The following XPO4 variants were observed in gnomAD, a reference collection of about 807,000 sequenced individuals.
The protein encoded by XPO4 is exportin 4.
Under a neutral mutation model 143.0 loss-of-function variants are expected in XPO4, and 39 were observed. The ratio of observed to expected loss-of-function variants is 0.27; its 90% CI spans 0.21 to 0.36. The LOEUF (loss-of-function observed/expected upper bound fraction) is 0.36. Among genes scored for constraint, XPO4 ranks in the 10% least tolerant of loss-of-function variants. The pLI is 1.00. For synonymous variants in XPO4, 439 were observed against 474.0 expected (o/e 0.93, Z 0.96); for missense variants, 907 against 1,348.0 (o/e 0.67, Z 5.12).
rs372882595 is a variant in XPO4 at position 20,786,983 on chromosome 13, C to T, written c.3240G>A (p.Thr1080=). 3.9e-4 allele frequency: 615 copies of T among 1,558,372 alleles called. 7 individuals are homozygous for T. The highest frequency in any genetic ancestry group is 1.7e-4 in the Middle Eastern group (1 of 6,012). The change falls in exon 22 of 23, where the codon ACG becomes ACA. Residue 1080 remains threonine (T), a synonymous_variant. Transcript: ENST00000255305. ...MTTAAGEAFY[T]LVCLHQAEYS... ...CCAGTACCTGGTGCAAACACACCAA[C>T]GTGTAGAAAGCTTCGCCAGCCGCAG...
At chr13:20,864,635 C>T (rs1431499938) in intron 2 of XPO4, among the ~76,000 whole-genome samples, 1 of 152,158 alleles carries the variant, frequency 6.6e-6, no homozygotes, top group Admixed American at 6.5e-5. Flanking sequence ...CGAATAAGCA[C>T]TTTCATTGTT....
chr13:20,825,139 A>C (rs2137976933), intron 7 of XPO4, among the ~76,000 whole-genome samples: 1 of 152,338 alleles, frequency 6.6e-6, no homozygotes, highest in East Asian at 1.9e-4. Context: ...GGTAGGAAGA[A>C]AACACAATGA....
intron 9 of XPO4, among the ~76,000 whole-genome samples, chr13:20,812,307 G>A (rs1295939130): frequency 6.6e-6 from 1 of 152,080 alleles, no homozygotes; most frequent in Non-Finnish European, 1.5e-5. Flanking sequence ...GGAGGCAGAG[G>A]GGAGACCCAC....
chr13:20,780,868 A>G lies in XPO4; in HGVS notation c.*2854T>C, dbSNP rs2059134030. On this transcript the variant is annotated 3_prime_UTR_variant, in exon 23 of 23. Transcript: ENST00000255305. Reference sequence around the variant, plus strand: ...CATCCAGCACAAGGACTATAAAAGCAAATCAATCCTTTTAACAGAACAAGA... The same window carrying G: ...CATCCAGCACAAGGACTATAAAAGCGAATCAATCCTTTTAACAGAACAAGA... The G allele has an allele frequency of 1.3e-5, 2 of 152,208 alleles. No homozygotes were observed. The highest frequency in any genetic ancestry group is 4.1e-4 in the South Asian group (2 of 4,832). The allele number at this position is 152,208 out of a possible 1,614,324, so 9.4% of individuals were successfully genotyped here.
At chr13:20,900,811 C>A (rs1206852521) in intron 1 of XPO4, among the ~76,000 whole-genome samples, 1 of 151,614 alleles carries the variant, frequency 6.6e-6, no homozygotes, top group East Asian at 1.9e-4. Flanking sequence ...GGGGCTTCAC[C>A]GTGTTGGCCA....
intron 3 of XPO4, 67 bp from the exon 4 acceptor site, chr13:20,855,832 T>C (rs547359677): frequency 6.9e-7 from 1 of 1,447,358 alleles, no homozygotes; most frequent in African/African-American, 1.4e-5. Context: ...CCCAAACTTC[T>C]CTCTATGCCT....
At chr13:20,794,135 A>G (rs572156162) in intron 18 of XPO4, among the ~76,000 whole-genome samples, 19 of 152,256 alleles carry the variant, frequency 1.2e-4, no homozygotes, top group Non-Finnish European at 2.8e-4. Context: ...TTCTCTTATT[A>G]ACGCTGCCCA....
At chr13:20,799,036 A>G (rs1460932301) in intron 16 of XPO4, 129 bp downstream of exon 16, 7 of 906,786 alleles carry the variant, frequency 7.7e-6, no homozygotes, top group Non-Finnish European at 9.4e-6. Context: ...AAAAAAAAAA[A>G]GAAAGAAAGA....
intron 6 of XPO4, among the ~76,000 whole-genome samples, chr13:20,834,717 T>C (rs1570673): frequency 8.6e-4 from 131 of 151,944 alleles, no homozygotes; most frequent in African/African-American, 2.9e-3. Flanking sequence ...CCAGCACTTT[T>C]GGATGCCAAA....
In XPO4 at chr13:20,892,217, G is replaced by C. The variant is rs140147124; in HGVS notation, c.69+10453C>G. Among the ~76,000 whole-genome samples, 358 of 152,130 alleles carry C rather than the reference G, an allele frequency of 2.4e-3. 1 individual carries two copies. Among genetic ancestry groups the C allele is most frequent in the African/African-American group, 7.7e-3 (319 of 41,518 alleles). Reference sequence around the variant, plus strand: ...TTCTCCTGTCTCAGCCTCCTGAGTAGCTGGGATTACACACATGCACCACCA... The same window carrying C: ...TTCTCCTGTCTCAGCCTCCTGAGTACCTGGGATTACACACATGCACCACCA... On this transcript the variant is annotated intron_variant, in intron 1 of 22. Coordinates refer to ENST00000255305, the MANE Select transcript of XPO4 (RefSeq NM_022459.5).
At chr13:20,888,175 CAAAAAAA>C (rs60114182) in intron 1 of XPO4, among the ~76,000 whole-genome samples, 4 of 90,574 alleles carry the variant, frequency 4.4e-5, no homozygotes, top group East Asian at 4.8e-4. Flanking sequence ...AACTCCATCT[CAAAAAAA>C]AAAAAAAAAA....
intron 4 of XPO4, chr13:20,851,614 T>C (rs1274246246): frequency 6.1e-6 from 3 of 494,182 alleles, no homozygotes; most frequent in Non-Finnish European, 7.8e-6. Context: ...GAGGCTAAGG[T>C]AGAAGAATCA....
intron 6 of XPO4, among the ~76,000 whole-genome samples, chr13:20,839,518 T>C (rs1398341517): frequency 6.6e-6 from 1 of 152,166 alleles, no homozygotes; most frequent in Non-Finnish European, 1.5e-5. Context: ...GTATATAGTA[T>C]AGTGTGTGAA....
intron 4 of XPO4, chr13:20,849,754 T>C: frequency 6.1e-6 from 6 of 985,164 alleles, no homozygotes; most frequent in Non-Finnish European, 7.2e-6. Flanking sequence ...GTCTTTAAGA[T>C]ACTTCTGAAA....
chr13:20,889,392 T>C (rs2060491138), intron 1 of XPO4, among the ~76,000 whole-genome samples: 1 of 152,200 alleles, frequency 6.6e-6, no homozygotes, highest in African/African-American at 2.4e-5. Context: ...GATGATGTTA[T>C]ATCAGTGGTT....
rs2059164354 is a variant in XPO4, at chr13:20,783,500, A to G, written c.*222T>C. The G allele has an allele frequency of 1.8e-6, 1 of 557,252 alleles. No individual in the cohort carries two copies. The highest frequency in any genetic ancestry group is 3.2e-6 in the Non-Finnish European group (1 of 314,704). The allele number at this position is 557,252 out of a possible 1,614,324, so 34.5% of individuals were successfully genotyped here. The stretch of plus-strand genomic sequence containing the variant: ...AATTTTAAATCACCATTCAGAATCT[A>G]AAAGACATATATATGACAGATTGTG... On this transcript the variant is annotated 3_prime_UTR_variant, in exon 23 of 23. Transcript: ENST00000255305.
chr13:20,889,041 G>A (rs12873230), intron 1 of XPO4, among the ~76,000 whole-genome samples: 8,711 of 152,056 alleles, frequency 0.057, 630 homozygotes, highest in African/African-American at 0.17. Flanking sequence ...TCGAACTCCT[G>A]ACCTCAAGTG....
chr13:20,860,944 A>G (rs944883341), intron 3 of XPO4, among the ~76,000 whole-genome samples: 1 of 151,992 alleles, frequency 6.6e-6, no homozygotes, highest in African/African-American at 2.4e-5. Flanking sequence ...TTTGTATGTA[A>G]GGCAGTTAGC....
chr13:20,826,088 G>A (rs916538564), intron 7 of XPO4, among the ~76,000 whole-genome samples: 2 of 152,218 alleles, frequency 1.3e-5, no homozygotes, highest in East Asian at 3.9e-4. Flanking sequence ...TTCTGTCCAC[G>A]TCATTATATC....
Sources: gnomAD v4.1 joint callset for allele counts (sites outside exome capture counted in the v4.1 genomes callset) on GRCh38, gnomAD v4.1.1 for gene constraint, MANE v1.5 for transcripts, NCBI Gene and HGNC (gene_info 2026-07-23, HGNC 2026-07-21) for gene names.